Variants in AOPEP observed in about 807,000 individuals in gnomAD.
The protein encoded by AOPEP is aminopeptidase O.
Under a neutral mutation model 98.1 loss-of-function variants are expected in AOPEP, and 77 were observed. The observed-to-expected ratio is 0.78, with a 90% CI of 0.65 to 0.95. The LOEUF (loss-of-function observed/expected upper bound fraction) is 0.95, where lower values mean the gene tolerates loss of function less well. Ranked by LOEUF, AOPEP falls within the 40% of genes least tolerant of loss-of-function variation. The pLI is 0.00. For missense variants in AOPEP, 1,024 were observed against 1,024.7 expected, an observed-to-expected ratio of 1.00 and a Z score of 0.01; for synonymous variants, 346 against 365.3, an observed-to-expected ratio of 0.95 and a Z score of 0.60.
chr9:94,854,184 G>A (rs1006393929), intron 5 of AOPEP, among the ~76,000 whole-genome samples: 18 of 152,192 alleles, frequency 1.2e-4, no homozygotes, highest in Non-Finnish European at 2.2e-4. Flanking sequence ...GTGGACGGCA[G>A]TATTTTATTT....
At chr9:94,956,505 C>T (rs957159922) in intron 9 of AOPEP, among the ~76,000 whole-genome samples, 10 of 152,194 alleles carry the variant, frequency 6.6e-5, no homozygotes, top group Non-Finnish European at 1.2e-4. Context: ...TACGTATATG[C>T]CCAACAAGGC....
chr9:94,968,737 T>G (rs2059358470), intron 10 of AOPEP, among the ~76,000 whole-genome samples: 1 of 152,198 alleles, frequency 6.6e-6, no homozygotes, highest in Non-Finnish European at 1.5e-5. Context: ...TAGAGAGGAT[T>G]AAAGGAGCTA....
chr9:94,800,989 C>T lies in AOPEP; in HGVS notation c.1351C>T (p.Leu451=), dbSNP rs769865046. The change falls in exon 5 of 17, where the codon CTG becomes TTG. Residue 451 remains leucine (L), a synonymous_variant. Coordinates refer to ENST00000375315, the MANE Select transcript of AOPEP (RefSeq NM_001193329.3). ...VLIVPANFPS[L]GMASPHIMFL... ...CATCGTCCCTGCCAACTTTCCAAGT[C>T]TGGGGATGGCCAGGTATGTTGTTCC... 6 of 1,614,198 alleles carry T rather than the reference C, an allele frequency of 3.7e-6. No homozygotes were observed. The highest frequency in any genetic ancestry group is 5.1e-6 in the Non-Finnish European group (6 of 1,180,026).
rs533208928 is a variant in AOPEP at position 95,080,302 on chromosome 9, C to T, written c.2233-392C>T. On this transcript the variant is annotated intron_variant, in intron 14 of 16. Transcript: ENST00000375315. The stretch of plus-strand genomic sequence containing the variant: ...CAGCACTTTGAGAGGCTGGGGCGGG[C>T]GGATCACGAGGTGAGGAGATCGAGA... Among the ~76,000 whole-genome samples, 327 of 152,146 alleles carry T rather than the reference C, an allele frequency of 2.1e-3. 2 individuals carry two copies. The highest frequency in any genetic ancestry group is 3.1e-3 in the Non-Finnish European group (212 of 67,984).
chr9:94,870,818 CTT>C (rs1388843630), intron 5 of AOPEP, among the ~76,000 whole-genome samples: 1 of 152,200 alleles, frequency 6.6e-6, no homozygotes, highest in Non-Finnish European at 1.5e-5. Flanking sequence ...AAGTCACTAT[CTT>C]TTGGGTTTTT....
chr9:94,781,773 G>A (rs1843312903), intron 3 of AOPEP, among the ~76,000 whole-genome samples: 1 of 151,096 alleles, frequency 6.6e-6, no homozygotes, highest in Non-Finnish European at 1.5e-5. Flanking sequence ...TGTTAGCCAG[G>A]ATGGTCTCTA....
At chr9:95,044,939 C>T (rs750501712) in intron 13 of AOPEP, among the ~76,000 whole-genome samples, 3 of 152,172 alleles carry the variant, frequency 2.0e-5, no homozygotes, top group Non-Finnish European at 4.4e-5. Flanking sequence ...CAGTCCCTCT[C>T]GGCACACATC....
At chr9:94,908,057 A>T (rs1186032589) in intron 5 of AOPEP, among the ~76,000 whole-genome samples, 1 of 152,152 alleles carries the variant, frequency 6.6e-6, no homozygotes, top group African/African-American at 2.4e-5. Flanking sequence ...CCGTTTTTTA[A>T]TGGAAAGTCA....
intron 5 of AOPEP, among the ~76,000 whole-genome samples, chr9:94,817,616 A>G (rs1851994749): frequency 6.6e-6 from 1 of 152,194 alleles, no homozygotes; most frequent in Non-Finnish European, 1.5e-5. Context: ...TTATGGCATA[A>G]TTTGAAAGCA....
intron 5 of AOPEP, among the ~76,000 whole-genome samples, chr9:94,877,867 C>G (rs1010668857): frequency 6.6e-6 from 1 of 152,158 alleles, no homozygotes; most frequent in Non-Finnish European, 1.5e-5. Context: ...TTGGTAACAA[C>G]CAGGTTATTC....
intron 14 of AOPEP, among the ~76,000 whole-genome samples, chr9:95,068,724 T>C (rs2068167072): frequency 6.6e-6 from 1 of 152,170 alleles, no homozygotes; most frequent in African/African-American, 2.4e-5. Context: ...TCCTAAAAGT[T>C]GTATAGTTTT....
At chr9:94,742,415 A>G (rs1833348070) in intron 1 of AOPEP, among the ~76,000 whole-genome samples, 1 of 151,940 alleles carries the variant, frequency 6.6e-6, no homozygotes, top group East Asian at 1.9e-4. Flanking sequence ...GAGGGTACTC[A>G]TTTAGAAATG....
chr9:95,061,488 T>A (rs1183039041), intron 14 of AOPEP, among the ~76,000 whole-genome samples: 1 of 152,226 alleles, frequency 6.6e-6, no homozygotes, highest in Admixed American at 6.5e-5. Flanking sequence ...CTGTGCAGTC[T>A]AGTACAGCAG....
In AOPEP at chr9:94,962,441, C is replaced by G. The variant is rs563290728; in HGVS notation, c.1873-5317C>G. Among the ~76,000 whole-genome samples the G allele has an allele frequency of 8.6e-3, 1,309 of 152,224 alleles. 14 individuals carry two copies. The highest frequency in any genetic ancestry group is 0.011 in the Non-Finnish European group (726 of 68,004). On this transcript the variant is annotated intron_variant, in intron 9 of 16. Transcript: ENST00000375315. ...TACTGCTAAGCATGAGGCTGGGGGT[C>G]GGTGCAGAGGGAGAGTTAGAAGCTG... is the stretch of plus-strand genomic sequence containing the variant.
the AOPEP span, chr9:95,101,935 A>T: frequency 6.7e-7 from 1 of 1,482,404 alleles, no homozygotes; most frequent in Non-Finnish European, 9.3e-7. Flanking sequence ...ATAACCACCC[A>T]GTCCCTGAAA....
intron 13 of AOPEP, among the ~76,000 whole-genome samples, chr9:95,033,216 C>T (rs1031249687): frequency 1.3e-5 from 2 of 152,172 alleles, no homozygotes; most frequent in Non-Finnish European, 2.9e-5. Context: ...TTCACCTCTT[C>T]TTTTGTTCTA....
At chr9:94,781,806 C>T (rs1362239422) in intron 3 of AOPEP, among the ~76,000 whole-genome samples, 10 of 151,152 alleles carry the variant, frequency 6.6e-5, no homozygotes, top group African/African-American at 1.2e-4. Flanking sequence ...GTGATCCGCC[C>T]GCCTTGGCCT....
In AOPEP at chr9:94,864,463, T is replaced by C. The variant is rs555695894; in HGVS notation, c.1365-59523T>C. 2.0e-5 allele frequency among the ~76,000 whole-genome samples: 3 copies of C among 152,338 alleles called. No homozygotes were observed. The South Asian group carries it at 6.2e-4, about 32-fold the overall frequency. Reference sequence around the variant, plus strand: ...TTTTTTAGAGGGGAAAAAAATGCGTTAAAAATTGCTTTGCTGGACCATTCA... The same window carrying C: ...TTTTTTAGAGGGGAAAAAAATGCGTCAAAAATTGCTTTGCTGGACCATTCA... On this transcript the variant is annotated intron_variant, in intron 5 of 16. Transcript: ENST00000375315.
chr9:94,731,403 T>G (rs1332729078), intron 1 of AOPEP, among the ~76,000 whole-genome samples: 1 of 152,074 alleles, frequency 6.6e-6, no homozygotes, highest in Non-Finnish European at 1.5e-5. Flanking sequence ...AGTTTTTGTA[T>G]TTTTAGTAGA....
Sources: gnomAD v4.1 joint callset for allele counts (sites outside exome capture counted in the v4.1 genomes callset) on GRCh38, gnomAD v4.1.1 for gene constraint, MANE v1.5 for transcripts, NCBI Gene and HGNC (gene_info 2026-07-23, HGNC 2026-07-21) for gene names.